The following CANX variants were observed in gnomAD, a reference collection of about 807,000 sequenced individuals.
The protein encoded by CANX is calnexin, also known as epididymis secretory sperm binding protein.
In CANX, 14 loss-of-function variants were observed where a neutral mutation model predicts 75.7. The observed-to-expected ratio is 0.19, with a 90% confidence interval of 0.12 to 0.29. The LOEUF (loss-of-function observed/expected upper bound fraction) is 0.29, where lower values mean the gene tolerates loss of function less well. Ranked by LOEUF, CANX falls within the 10% of genes least tolerant of loss-of-function variation. CANX has a pLI of 1.00. For synonymous variants in CANX, 227 were observed against 236.9 expected (o/e 0.96, Z 0.38); for missense variants, 567 against 713.2 (o/e 0.79, Z 2.34).
chr5:179,698,700 C>A (rs1776507433), upstream of CANX: 2 of 922,080 alleles, frequency 2.2e-6, no homozygotes, highest in African/African-American at 1.7e-5. Context: ...GAGACGCGCG[C>A]GCCCGGCGGT....
Position 179,699,087 on chromosome 5 carries a change from C to A in CANX, c.-19C>A. On this transcript the variant is annotated 5_prime_UTR_variant, in exon 1 of 15. Transcript: ENST00000247461. ...GAAGGGGCACGGGCACCCCCGCGGT[C>A]CCCGGGAGGCTAGAGGTGAGAGGGG... is the stretch of plus-strand genomic sequence containing the variant. 2 of 1,083,182 alleles carry A rather than the reference C, an allele frequency of 1.8e-6. No individual in the cohort carries two copies. The highest frequency in any genetic ancestry group is 1.1e-6 in the Non-Finnish European group (1 of 885,392). 67.1% of individuals were successfully genotyped at this position (1,083,182 alleles called of 1,614,324 possible).
At chr5:179,725,132 C>T (rs1159478107) in intron 13 of CANX, among the ~76,000 whole-genome samples, 1 of 152,190 alleles carries the variant, frequency 6.6e-6, no homozygotes, top group Non-Finnish European at 1.5e-5. Flanking sequence ...AAGTGATCCT[C>T]CTACCTCAGC....
intron 1 of CANX, chr5:179,678,867 G>A (rs1431162308): frequency 2.0e-6 from 3 of 1,536,286 alleles, no homozygotes; most frequent in African/African-American, 2.7e-5. Flanking sequence ...AGCGGCGACC[G>A]CGTCCTCGCC....
intron 6 of CANX, 30 bp downstream of exon 6, chr5:179,709,089 T>C: frequency 7.8e-7 from 1 of 1,274,934 alleles, no homozygotes; most frequent in South Asian, 1.2e-5. Flanking sequence ...GGAATGTGGC[T>C]GGACACCCAC....
chr5:179,685,384 GATTACA>G lies in CANX; in HGVS notation c.-4+6609_-4+6614del, dbSNP rs1776172341. Among the ~76,000 whole-genome samples, 5 of 151,602 alleles carry G rather than the reference GATTACA, an allele frequency of 3.3e-5. No individual in the cohort carries two copies. In the South Asian group the frequency reaches 1.0e-3, roughly 32 times the overall value. ...CCACCTCAGCCTCCCGTGTAGCTGG[GATTACA>G]AGCATGTGCCACCATGCCTGGCTAA... On this transcript the variant is annotated intron_variant, in intron 1 of 14. Transcript: ENST00000681674.
Position 179,722,791 on chromosome 5 carries a change from T to C in CANX, c.1183-13T>C. On this transcript the variant is annotated splice_polypyrimidine_tract_variant and intron_variant, in intron 10 of 14. Transcript: ENST00000247461. ...TTATCTGAAATGATTTTCTGAAACA[T>C]TTTTTTTTCTAGGGAATCTGGAAAC... is the stretch of plus-strand genomic sequence containing the variant. 2.0e-6 allele frequency: 3 copies of C among 1,519,856 alleles called. No homozygotes were observed. Among genetic ancestry groups the C allele is most frequent in the Non-Finnish European group, 2.7e-6 (3 of 1,103,830 alleles). 94.1% of individuals were successfully genotyped at this position (1,519,856 alleles called of 1,614,324 possible). A position where few individuals can be genotyped will look rare whatever the true frequency, so the allele number is the denominator to read the frequency against.
In CANX at chr5:179,730,124, T is replaced by C. The variant is rs922856192; in HGVS notation, c.*1480T>C. 2.6e-5 allele frequency: 4 copies of C among 152,658 alleles called. No individual in the cohort carries two copies. Among genetic ancestry groups the C allele is most frequent in the African/African-American group, 9.6e-5 (4 of 41,464 alleles). 9.5% of individuals were successfully genotyped at this position (152,658 alleles called of 1,614,324 possible). A position where few individuals can be genotyped will look rare whatever the true frequency, so the allele number is the denominator to read the frequency against. ...CTCTACACTGAAACGTATTCAGAGT[T>C]AGATATTATTTTAGCTTCAGTTGTT... On this transcript the variant is annotated 3_prime_UTR_variant, in exon 15 of 15. Transcript: ENST00000247461.
chr5:179,722,069 G>A (rs1296230814), intron 10 of CANX, among the ~76,000 whole-genome samples: 1 of 152,064 alleles, frequency 6.6e-6, no homozygotes, highest in African/African-American at 2.4e-5. Context: ...AGTGGCTCAC[G>A]CCTATAATCC....
chr5:179,709,370 C>T (rs565968993), intron 6 of CANX, among the ~76,000 whole-genome samples: 95 of 151,482 alleles, frequency 6.3e-4, no homozygotes, highest in African/African-American at 2.2e-3. Flanking sequence ...GCCGAGATTG[C>T]GCCACTGCAC....
intron 10 of CANX, among the ~76,000 whole-genome samples, chr5:179,721,863 CTG>C (rs1411585848): frequency 6.6e-6 from 1 of 151,968 alleles, no homozygotes; most frequent in Non-Finnish European, 1.5e-5. Flanking sequence ...TGGTCTGATA[CTG>C]TGAAAACATT....
chr5:179,698,465 C>T, upstream of CANX: 1 of 1,289,122 alleles, frequency 7.8e-7, no homozygotes, highest in Non-Finnish European at 1.0e-6. Flanking sequence ...TGCTCACGCC[C>T]GTAGGGGCCC....
chr5:179,724,283 A>T (rs1778502980), intron 12 of CANX, among the ~76,000 whole-genome samples: 1 of 150,616 alleles, frequency 6.6e-6, no homozygotes. Flanking sequence ...CTTATTTTGG[A>T]CTCTACTTCT....
intron 7 of CANX, among the ~76,000 whole-genome samples, chr5:179,710,687 GAC>G (rs1777486903): frequency 1.8e-5 from 1 of 55,034 alleles, no homozygotes; most frequent in African/African-American, 4.7e-5. Flanking sequence ...CAGCCTAGGA[GAC>G]AGAGCAAGAC....
upstream of CANX, chr5:179,698,962 G>T (rs911899931): frequency 4.5e-5 from 50 of 1,119,994 alleles, no homozygotes; most frequent in African/African-American, 1.7e-5. Context: ...GCTCGCTCGC[G>T]CGGCAGCGGT....
At chr5:179,696,723 C>T (rs906861262), upstream of CANX, among the ~76,000 whole-genome samples, 4 of 152,158 alleles carry the variant, frequency 2.6e-5, no homozygotes, top group Non-Finnish European at 5.9e-5. Context: ...AAAGGAAACA[C>T]ACCTTTCTCT....
At chr5:179,710,551 C>G (rs1777474496) in intron 7 of CANX, among the ~76,000 whole-genome samples, 1 of 148,008 alleles carries the variant, frequency 6.8e-6, no homozygotes, top group Non-Finnish European at 1.5e-5. Flanking sequence ...ACTAAAAATA[C>G]AAAAATATTA....
At chr5:179,721,342 C>T (rs572297541) in intron 10 of CANX, among the ~76,000 whole-genome samples, 6 of 152,294 alleles carry the variant, frequency 3.9e-5, no homozygotes, top group Admixed American at 2.0e-4. Flanking sequence ...CACCTGCCTT[C>T]GCCTTTCGAA....
chr5:179,692,164 T>C (rs577076428), intron 1 of CANX, among the ~76,000 whole-genome samples: 18 of 151,304 alleles, frequency 1.2e-4, no homozygotes, highest in Non-Finnish European at 2.2e-4. Context: ...AACCTCCGCC[T>C]CCTGGGTTCA....
rs1421494063 is a variant in CANX, at chr5:179,729,450, C to G, written c.*806C>G. The G allele has an allele frequency of 6.5e-6, 1 of 152,932 alleles. No individual in the cohort carries two copies. The highest frequency in any genetic ancestry group is 1.5e-5 in the Non-Finnish European group (1 of 68,222). The allele number at this position is 152,932 out of a possible 1,614,324, so 9.5% of individuals were successfully genotyped here. A position where few individuals can be genotyped will look rare whatever the true frequency, so the allele number is the denominator to read the frequency against. On this transcript the variant is annotated 3_prime_UTR_variant, in exon 15 of 15. Coordinates refer to ENST00000247461, the MANE Select transcript of CANX (RefSeq NM_001746.4). Reference sequence around the variant, plus strand: ...GGAGCAGGTGGCTTGTTAAGGAATGCTAGCAGGGCATGGCACGTGAGCTCC... The same window carrying G: ...GGAGCAGGTGGCTTGTTAAGGAATGGTAGCAGGGCATGGCACGTGAGCTCC...
Sources: allele counts gnomAD v4.1 joint callset (sites outside exome capture counted in the v4.1 genomes callset), GRCh38; gene constraint gnomAD v4.1.1; transcripts MANE v1.5; gene names NCBI Gene and HGNC (gene_info 2026-07-23, HGNC 2026-07-21).